CSMD3: variants seen among roughly 807,000 people sequenced by gnomAD.
CSMD3 encodes the protein CUB and Sushi multiple domains 3, also known as CUB and sushi domain-containing protein 3.
Under a neutral mutation model 435.2 loss-of-function variants are expected in CSMD3, and 177 were observed. The ratio of observed to expected loss-of-function variants is 0.41; its 90% CI spans 0.36 to 0.46. CSMD3 has a LOEUF of 0.46. Ranked by LOEUF, CSMD3 falls within the 20% of genes least tolerant of loss-of-function variation. CSMD3 has a pLI of 0.34. For synonymous variants in CSMD3, 1,656 were observed against 1,520.5 expected (o/e 1.09, Z -2.07); for missense variants, 4,265 against 4,504.6 (o/e 0.95, Z 1.52).
rs564405469 is a variant in CSMD3 at position 113,064,881 on chromosome 8, A to G, written c.917+33875T>C. Among the ~76,000 whole-genome samples, 10 of 152,334 alleles carry G rather than the reference A, an allele frequency of 6.6e-5. 2 individuals carry two copies. The South Asian group carries it at 1.7e-3, about 25-fold the overall frequency. ...CTAGAAGATATCCTGAATCAACTCC[A>G]TTATATTGACAAAAGATTGCTGAAT... is the stretch of plus-strand genomic sequence containing the variant. On this transcript the variant is annotated intron_variant, in intron 5 of 70. Coordinates refer to ENST00000297405, the MANE Select transcript of CSMD3 (RefSeq NM_198123.2).
At chr8:112,825,942 C>T (rs2079666007) in intron 12 of CSMD3, among the ~76,000 whole-genome samples, 1 of 137,308 alleles carries the variant, frequency 7.3e-6, no homozygotes, top group African/African-American at 2.7e-5. Flanking sequence ...GGAGGAAAAA[C>T]TAATTCTGCT....
chr8:113,292,114 A>T (rs1458083922), intron 2 of CSMD3, among the ~76,000 whole-genome samples: 1 of 151,682 alleles, frequency 6.6e-6, no homozygotes, highest in Non-Finnish European at 1.5e-5. Context: ...TTACTTTGTA[A>T]TTATTATTTC....
Position 113,144,204 on chromosome 8 carries a change from T to C in CSMD3, c.709+29518A>G, listed in dbSNP as rs886732008. Among the ~76,000 whole-genome samples, 4 of 151,306 alleles carry C rather than the reference T, an allele frequency of 2.6e-5. No individual in the cohort carries two copies. In the East Asian group the frequency reaches 7.8e-4, roughly 29 times the overall value. ...TTGTATATTATGAGATCCTTAAATA[T>C]GTTCTCAGCTTCAGAGACTGCAGTA... On this transcript the variant is annotated intron_variant, in intron 4 of 70. Coordinates refer to ENST00000297405, the MANE Select transcript of CSMD3 (RefSeq NM_198123.2).
At chr8:113,254,699 T>C (rs2093365006) in intron 3 of CSMD3, among the ~76,000 whole-genome samples, 1 of 152,204 alleles carries the variant, frequency 6.6e-6, no homozygotes, top group South Asian at 2.1e-4. Context: ...TGAAGTTGTA[T>C]ATGCCTAAAA....
chr8:112,293,973 C>T (rs1165428051), intron 54 of CSMD3, among the ~76,000 whole-genome samples: 1 of 151,950 alleles, frequency 6.6e-6, no homozygotes, highest in African/African-American at 2.4e-5. Context: ...AATTATTCAA[C>T]AAGAAAAACA....
At position 113,361,688 on chromosome 8, in the gene CSMD3, T is replaced by C. The variant is rs547764893; in HGVS notation, c.179-46895A>G. ...AACAAATATAACCTTAATAACATCATTGGTCATCGAAAATTTATACATGTG... is the reference window on the plus strand; with the variant it reads ...AACAAATATAACCTTAATAACATCACTGGTCATCGAAAATTTATACATGTG... On this transcript the variant is annotated intron_variant, in intron 1 of 70. Coordinates refer to ENST00000297405, the MANE Select transcript of CSMD3 (RefSeq NM_198123.2). Among the ~76,000 whole-genome samples, 38 of 140,666 alleles carry C rather than the reference T, an allele frequency of 2.7e-4. 1 individual carries two copies. Among genetic ancestry groups the C allele is most frequent in the Non-Finnish European group, 5.5e-4 (36 of 65,550 alleles). The allele number at this position is 140,666 out of a possible 152,430, so 92.3% of individuals were successfully genotyped here. A position where few individuals can be genotyped will look rare whatever the true frequency, so the allele number is the denominator to read the frequency against.
chr8:112,424,375 T>C (rs1014036406), intron 32 of CSMD3, among the ~76,000 whole-genome samples: 9 of 152,190 alleles, frequency 5.9e-5, no homozygotes, highest in Non-Finnish European at 1.2e-4. Flanking sequence ...CACATTATCA[T>C]TATCAGTAAA....
intron 1 of CSMD3, among the ~76,000 whole-genome samples, chr8:113,414,158 A>G (rs528188185): frequency 1.3e-5 from 2 of 152,214 alleles, no homozygotes; most frequent in Non-Finnish European, 2.9e-5. Context: ...TATGGTAGCC[A>G]CTGGCCACAT....
chr8:112,225,183 TG>T (rs1330720198), intron 70 of CSMD3, among the ~76,000 whole-genome samples: 1 of 152,108 alleles, frequency 6.6e-6, no homozygotes, highest in Non-Finnish European at 1.5e-5. Flanking sequence ...AATTATATGA[TG>T]GCTATAATAA....
chr8:112,962,272 A>G (rs530208236), intron 7 of CSMD3, among the ~76,000 whole-genome samples: 2 of 151,680 alleles, frequency 1.3e-5, no homozygotes, highest in African/African-American at 4.8e-5. Flanking sequence ...AGATAATTTG[A>G]TTGTAAATTG....
chr8:112,621,248 A>C (rs1203494267), intron 22 of CSMD3, among the ~76,000 whole-genome samples: 1 of 152,036 alleles, frequency 6.6e-6, no homozygotes, highest in Admixed American at 6.6e-5. Context: ...AAAATAAATT[A>C]ATTAATTAAT....
intron 3 of CSMD3, among the ~76,000 whole-genome samples, chr8:113,276,725 T>A (rs1588426976): frequency 6.6e-6 from 1 of 152,092 alleles, no homozygotes; most frequent in Non-Finnish European, 1.5e-5. Flanking sequence ...TATTTTAAGA[T>A]GTTAAATTGA....
intron 13 of CSMD3, among the ~76,000 whole-genome samples, chr8:112,753,106 A>G (rs2077612743): frequency 1.3e-5 from 2 of 152,038 alleles, no homozygotes; most frequent in African/African-American, 4.8e-5. Flanking sequence ...TTTATCTACT[A>G]TGTATATTTA....
chr8:112,551,323 A>G (rs1295843356), intron 26 of CSMD3, among the ~76,000 whole-genome samples: 1 of 152,092 alleles, frequency 6.6e-6, no homozygotes, highest in East Asian at 1.9e-4. Context: ...TTTCCCAAAG[A>G]GTGGCATAGT....
In CSMD3 at chr8:112,666,355, C is replaced by T. The variant is rs774427789; in HGVS notation, c.2738G>A (p.Gly913Glu). The T allele has an allele frequency of 1.1e-5, 17 of 1,612,374 alleles. No homozygotes were observed. The highest frequency in any genetic ancestry group is 1.4e-5 in the Non-Finnish European group (16 of 1,179,170). Reference sequence around the variant, plus strand: ...ACAATTCAAAGAGTCTTTGTAGTATCCTGGCCATCCTGGTGAGAGAATCAC... The same window carrying T: ...ACAATTCAAAGAGTCTTTGTAGTATTCTGGCCATCCTGGTGAGAGAATCAC... ...SGVILSPGWPGYYKDSLNCEW... is the reference protein window; with the variant it reads ...SGVILSPGWPEYYKDSLNCEW... The change falls in exon 17 of 71, where the codon GGA (glycine) becomes GAA (glutamate). Residue 913 changes from glycine (G) to glutamate (E), a missense_variant. Gly to Glu is a moderately conservative substitution (Grantham distance 98, BLOSUM62 -2). This residue lies in a region of CSMD3 where 279 missense variants were observed against 369.0 expected (regional missense o/e 0.76). Coordinates refer to ENST00000297405, the MANE Select transcript of CSMD3 (RefSeq NM_198123.2).
At chr8:112,512,731 A>G (rs1431956896) in intron 28 of CSMD3, among the ~76,000 whole-genome samples, 1 of 152,182 alleles carries the variant, frequency 6.6e-6, no homozygotes, top group Admixed American at 6.5e-5. Context: ...TTGAAGCCAG[A>G]CATTGATTTC....
At chr8:112,451,399 A>G (rs954885876) in intron 32 of CSMD3, among the ~76,000 whole-genome samples, 1 of 152,168 alleles carries the variant, frequency 6.6e-6, no homozygotes, top group African/African-American at 2.4e-5. Context: ...ATAGAGCATT[A>G]TTCTTGAAGG....
intron 22 of CSMD3, among the ~76,000 whole-genome samples, chr8:112,628,352 T>C (rs12545404): frequency 0.49 from 73,655 of 151,696 alleles, 18,527 homozygotes; most frequent in African/African-American, 0.59. Context: ...AATCATAAGC[T>C]TCTTCTTAGT....
intron 38 of CSMD3, among the ~76,000 whole-genome samples, chr8:112,372,151 G>T (rs961233661): frequency 5.9e-5 from 9 of 152,102 alleles, no homozygotes; most frequent in African/African-American, 2.2e-4. Context: ...GAGTCTTATA[G>T]CCAGAAAAAA....
Sources: allele counts gnomAD v4.1 joint callset (sites outside exome capture counted in the v4.1 genomes callset), GRCh38; gene constraint gnomAD v4.1.1; regional missense constraint gnomAD v4.1.1; transcripts MANE v1.5; gene names NCBI Gene and HGNC (gene_info 2026-07-23, HGNC 2026-07-21).